CDK8: variants seen among roughly 807,000 people sequenced by gnomAD.
CDK8 encodes cyclin-dependent kinase 8.
A neutral mutation model predicts 71.5 loss-of-function variants in CDK8; 29 were observed. That is an observed-to-expected ratio of 0.41 (90% confidence interval 0.30 to 0.55). The LOEUF is 0.55. Ranked by LOEUF, CDK8 falls within the 20% of genes least tolerant of loss-of-function variation. The probability of loss-of-function intolerance (pLI) is 0.37; values close to 1 mark genes in which losing one functional copy is unlikely to be tolerated. For synonymous variants in CDK8, 161 were observed against 192.1 expected, an observed-to-expected ratio of 0.84 and a Z score of 1.34; for missense variants, 288 against 572.6, an observed-to-expected ratio of 0.50 and a Z score of 5.07.
chr13:26,312,119 C>G (rs1282950292), intron 1 of CDK8, among the ~76,000 whole-genome samples: 1 of 152,096 alleles, frequency 6.6e-6, no homozygotes, highest in Non-Finnish European at 1.5e-5. Context: ...ACTCTTGTGT[C>G]TAGCTACGGG....
intron 1 of CDK8, among the ~76,000 whole-genome samples, chr13:26,277,824 T>C (rs772250109): frequency 8.5e-5 from 13 of 152,212 alleles, no homozygotes; most frequent in Non-Finnish European, 1.9e-4. Context: ...ATTTAGTTAC[T>C]AAATGGAATT....
Position 26,291,366 on chromosome 13 carries a change from A to C in CDK8, c.128+36597A>C, listed in dbSNP as rs547390129. ...ACCCATTGCTAAGCAATGCATGACT[A>C]TACATAGATGTATGTATATACATAT... On this transcript the variant is annotated intron_variant, in intron 1 of 12. Transcript: ENST00000381527. 3.3e-3 allele frequency among the ~76,000 whole-genome samples: 496 copies of C among 152,290 alleles called. 1 individual carries two copies. The highest frequency in any genetic ancestry group is 0.014 in the Middle Eastern group (4 of 294).
At chr13:26,379,676 CAT>C (rs998865983) in intron 4 of CDK8, among the ~76,000 whole-genome samples, 12 of 152,260 alleles carry the variant, frequency 7.9e-5, no homozygotes, top group Admixed American at 3.9e-4. Flanking sequence ...AGAGGAGAGA[CAT>C]GTGCATGTAT....
At chr13:26,343,915 G>A (rs1873352197) in intron 2 of CDK8, among the ~76,000 whole-genome samples, 1 of 150,636 alleles carries the variant, frequency 6.6e-6, no homozygotes, top group Admixed American at 6.6e-5. Flanking sequence ...TCAACTTTTA[G>A]GTTCAGGGGG....
At chr13:26,337,936 G>A (rs1873061399) in intron 2 of CDK8, among the ~76,000 whole-genome samples, 1 of 151,878 alleles carries the variant, frequency 6.6e-6, no homozygotes, top group Non-Finnish European at 1.5e-5. Flanking sequence ...CAGTAAAAGT[G>A]GCATGTTAGT....
Position 26,325,496 on chromosome 13 carries a change from C to A in CDK8, c.129-12071C>A, listed in dbSNP as rs9578996. Among the ~76,000 whole-genome samples the A allele has an allele frequency of 6.8e-3, 1,032 of 152,188 alleles. 8 individuals are homozygous for A. The highest frequency in any genetic ancestry group is 0.024 in the Middle Eastern group (7 of 294). ...TGCACCTGTAGCCAAAACTTATTAG[C>A]CTGCTCTAGCAAGCGAGAGCTCACG... On this transcript the variant is annotated intron_variant, in intron 1 of 12. Transcript: ENST00000381527.
At chr13:26,314,719 C>T (rs1276106219) in intron 1 of CDK8, among the ~76,000 whole-genome samples, 1 of 152,174 alleles carries the variant, frequency 6.6e-6, no homozygotes, top group East Asian at 1.9e-4. Flanking sequence ...CATGCTTTAC[C>T]TGCTTTGTAG....
chr13:26,259,334 C>T (rs1283394659), intron 1 of CDK8, among the ~76,000 whole-genome samples: 1 of 152,004 alleles, frequency 6.6e-6, no homozygotes, highest in Non-Finnish European at 1.5e-5. Flanking sequence ...CTCTACTGAG[C>T]ATGTACAGAT....
chr13:26,294,132 CT>C (rs35555772), intron 1 of CDK8, among the ~76,000 whole-genome samples: 121,562 of 147,104 alleles, frequency 0.83, 51,748 homozygotes, highest in East Asian at 0.99. Flanking sequence ...TATTCTGCAC[CT>C]TTTTTTTTTT....
chr13:26,356,476 C>T (rs1025488201), intron 4 of CDK8, among the ~76,000 whole-genome samples: 10 of 152,134 alleles, frequency 6.6e-5, no homozygotes, highest in Non-Finnish European at 1.3e-4. Context: ...GTGTGTCTCA[C>T]GCACGCAGAA....
chr13:26,348,757 A>G (rs9581647), intron 2 of CDK8, among the ~76,000 whole-genome samples: 5,383 of 152,278 alleles, frequency 0.035, 311 homozygotes, highest in African/African-American at 0.12. Context: ...ATAGGATGCC[A>G]CTGAATTGTA....
At chr13:26,329,603 A>G (rs1875210547) in intron 1 of CDK8, among the ~76,000 whole-genome samples, 1 of 151,696 alleles carries the variant, frequency 6.6e-6, no homozygotes, top group Admixed American at 6.6e-5. Context: ...CCCGGGTTCA[A>G]GTGATTCTCC....
In CDK8 at chr13:26,374,830, T is replaced by C. The variant is rs17083947; in HGVS notation, c.457-7984T>C. On this transcript the variant is annotated intron_variant, in intron 4 of 12. Transcript: ENST00000381527. Reference sequence around the variant, plus strand: ...TTATTATACTTGATGGTGTTATTTCTAGAAATGATAATGTTGAATTCGCAA... The same window carrying C: ...TTATTATACTTGATGGTGTTATTTCCAGAAATGATAATGTTGAATTCGCAA... Among the ~76,000 whole-genome samples, 616 of 152,260 alleles carry C rather than the reference T, an allele frequency of 4.0e-3. 5 individuals are homozygous for C. The highest frequency in any genetic ancestry group is 0.014 in the African/African-American group (565 of 41,570).
intron 4 of CDK8, among the ~76,000 whole-genome samples, chr13:26,361,356 A>G (rs1263114783): frequency 6.6e-6 from 1 of 152,188 alleles, no homozygotes; most frequent in Non-Finnish European, 1.5e-5. Context: ...CTTGACTTAC[A>G]GTGGGGTTCC....
chr13:26,347,689 C>T (rs140853983), intron 2 of CDK8, among the ~76,000 whole-genome samples: 296 of 152,204 alleles, frequency 1.9e-3, no homozygotes, highest in African/African-American at 6.7e-3. Flanking sequence ...AAAAGATGTT[C>T]GACACCATTA....
At chr13:26,395,501 A>G (rs941224254) in intron 7 of CDK8, among the ~76,000 whole-genome samples, 23 of 152,080 alleles carry the variant, frequency 1.5e-4, no homozygotes, top group African/African-American at 5.6e-4. Context: ...AAAAAAAAAA[A>G]AAGAGCTAAA....
chr13:26,362,973 T>C (rs1388160812), intron 4 of CDK8, among the ~76,000 whole-genome samples: 1 of 147,404 alleles, frequency 6.8e-6, no homozygotes, highest in Non-Finnish European at 1.5e-5. Context: ...GAGTGAGATA[T>C]ACTATAACTT....
chr13:26,335,441 G>A (rs896883002), intron 1 of CDK8, among the ~76,000 whole-genome samples: 5 of 151,896 alleles, frequency 3.3e-5, no homozygotes, highest in African/African-American at 7.3e-5. Flanking sequence ...TTGTGGCTTC[G>A]ATCACTGTGT....
chr13:26,266,588 A>C (rs1461158021), intron 1 of CDK8, among the ~76,000 whole-genome samples: 1 of 152,186 alleles, frequency 6.6e-6, no homozygotes, highest in Admixed American at 6.5e-5. Context: ...CTCAGAGGGC[A>C]AGGGAGATAA....
Sources: gnomAD v4.1 joint callset for allele counts (sites outside exome capture counted in the v4.1 genomes callset) on GRCh38, gnomAD v4.1.1 for gene constraint, MANE v1.5 for transcripts, NCBI Gene and HGNC (gene_info 2026-07-23, HGNC 2026-07-21) for gene names.